The following MBD5 variants were observed in gnomAD, a reference collection of about 807,000 sequenced individuals.
MBD5 encodes methyl-CpG binding domain protein 5.
Under a neutral mutation model 117.3 loss-of-function variants are expected in MBD5, and 13 were observed. The observed-to-expected ratio is 0.11, with a 90% CI of 0.07 to 0.18. The LOEUF (loss-of-function observed/expected upper bound fraction) is 0.18, where lower values mean the gene tolerates loss of function less well. MBD5 is among the 10% of genes least tolerant of loss of function. The pLI, the probability that MBD5 is intolerant of heterozygous loss-of-function variation, is 1.00. For missense variants in MBD5, 1,879 were observed against 2,093.8 expected (o/e 0.90, Z 2.00); for synonymous variants, 727 against 766.4 (o/e 0.95, Z 0.85).
intron 4 of MBD5, among the ~76,000 whole-genome samples, chr2:148,364,362 G>A (rs6745934): frequency 0.52 from 78,284 of 151,948 alleles, 20,390 homozygotes; most frequent in East Asian, 0.75. Flanking sequence ...TATGGAAAAG[G>A]AAAACTGGTA....
At chr2:148,132,639 G>A (rs1697077995) in intron 1 of MBD5, among the ~76,000 whole-genome samples, 1 of 152,108 alleles carries the variant, frequency 6.6e-6, no homozygotes, top group Non-Finnish European at 1.5e-5. Flanking sequence ...GCATGAGACA[G>A]TTCCCAAACA....
intron 1 of MBD5, among the ~76,000 whole-genome samples, chr2:148,089,646 G>A (rs1695885221): frequency 6.6e-6 from 1 of 152,032 alleles, no homozygotes; most frequent in Non-Finnish European, 1.5e-5. Context: ...TGAACTGAAT[G>A]ATAATAGTGA....
At chr2:148,272,021 TAAA>T (rs1700998513) in intron 3 of MBD5, among the ~76,000 whole-genome samples, 1 of 152,208 alleles carries the variant, frequency 6.6e-6, no homozygotes, top group South Asian at 2.1e-4. Flanking sequence ...ATTCCACATG[TAAA>T]TAAGATCATG....
intron 4 of MBD5, among the ~76,000 whole-genome samples, chr2:148,438,630 G>A (rs1213981479): frequency 2.6e-5 from 4 of 152,208 alleles, no homozygotes; most frequent in East Asian, 1.9e-4. Context: ...ATATATGAGA[G>A]GAGATTTATT....
chr2:148,377,638 C>A (rs1396134126), intron 4 of MBD5, among the ~76,000 whole-genome samples: 4 of 152,172 alleles, frequency 2.6e-5, no homozygotes, highest in Non-Finnish European at 4.4e-5. Flanking sequence ...AAATTATTTT[C>A]ATCAAAACGT....
intron 4 of MBD5, among the ~76,000 whole-genome samples, chr2:148,374,752 A>G (rs185858002): frequency 2.5e-3 from 387 of 152,308 alleles, no homozygotes; most frequent in Non-Finnish European, 3.9e-3. Flanking sequence ...TACAATAGAT[A>G]CAGAATAATC....
intron 8 of MBD5, chr2:148,471,818 A>T (rs530063674): frequency 2.0e-5 from 3 of 152,222 alleles, no homozygotes; most frequent in Non-Finnish European, 2.9e-5. Flanking sequence ...CTAACAGTAT[A>T]CTTATCCCAT....
At chr2:148,187,911 AACTG>A (rs1698708616) in intron 2 of MBD5, among the ~76,000 whole-genome samples, 1 of 152,252 alleles carries the variant, frequency 6.6e-6, no homozygotes. Flanking sequence ...TTAAAAAGAT[AACTG>A]ACTGCTTAAG....
chr2:148,084,449 T>A (rs533564145), intron 1 of MBD5, among the ~76,000 whole-genome samples: 1 of 152,330 alleles, frequency 6.6e-6, no homozygotes, highest in South Asian at 2.1e-4. Flanking sequence ...GTTTTAAAAA[T>A]ACTTCAGTAC....
intron 4 of MBD5, among the ~76,000 whole-genome samples, chr2:148,390,391 G>A (rs896546709): frequency 1.3e-5 from 2 of 151,270 alleles, no homozygotes; most frequent in African/African-American, 4.9e-5. Flanking sequence ...TTAGGGGTTA[G>A]GGCATCAACA....
intron 1 of MBD5, among the ~76,000 whole-genome samples, chr2:148,045,374 TTAAAATA>T (rs1423929822): frequency 1.3e-5 from 2 of 152,170 alleles, no homozygotes; most frequent in Non-Finnish European, 2.9e-5. Flanking sequence ...GAACATTACT[TTAAAATA>T]TAACTTCTAA....
intron 3 of MBD5, among the ~76,000 whole-genome samples, chr2:148,258,953 G>A (rs904039547): frequency 2.0e-5 from 3 of 152,164 alleles, no homozygotes; most frequent in Non-Finnish European, 2.9e-5. Flanking sequence ...TACATACAGG[G>A]TGGGGACAGC....
At chr2:148,048,067 G>A (rs969014252) in intron 1 of MBD5, among the ~76,000 whole-genome samples, 24 of 152,116 alleles carry the variant, frequency 1.6e-4, no homozygotes, top group African/African-American at 5.8e-4. Flanking sequence ...TGAAGTCTAA[G>A]GTGGATAGGG....
chr2:148,203,918 T>C (rs550386675), intron 2 of MBD5, among the ~76,000 whole-genome samples: 1 of 152,348 alleles, frequency 6.6e-6, no homozygotes, highest in Admixed American at 6.5e-5. Context: ...TCTCCAAGAC[T>C]GCTTCTGTTC....
At chr2:148,399,660 G>C (rs368350744) in intron 4 of MBD5, among the ~76,000 whole-genome samples, 2 of 151,960 alleles carry the variant, frequency 1.3e-5, no homozygotes, top group African/African-American at 2.4e-5. Context: ...TCTCCTGCCT[G>C]ATTGCCCTGG....
At chr2:148,117,039 G>A (rs1198500195) in intron 1 of MBD5, among the ~76,000 whole-genome samples, 1 of 152,098 alleles carries the variant, frequency 6.6e-6, no homozygotes, top group Admixed American at 6.5e-5. Flanking sequence ...TATAGATAAT[G>A]TACAGTAATT....
chr2:148,285,115 A>G (rs1402042503), intron 3 of MBD5, among the ~76,000 whole-genome samples: 1 of 152,220 alleles, frequency 6.6e-6, no homozygotes, highest in Non-Finnish European at 1.5e-5. Flanking sequence ...AAAGAAAAAT[A>G]AATACTAAAC....
chr2:148,177,193 G>C (rs1037655879), intron 1 of MBD5, among the ~76,000 whole-genome samples: 1 of 152,156 alleles, frequency 6.6e-6, no homozygotes, highest in Non-Finnish European at 1.5e-5. Context: ...GAAAACTCAA[G>C]AAGTATTTAC....
intron 1 of MBD5, among the ~76,000 whole-genome samples, chr2:148,097,074 G>T (rs1377059371): frequency 1.3e-5 from 2 of 151,838 alleles, no homozygotes; most frequent in Non-Finnish European, 2.9e-5. Context: ...TCTATAAAAA[G>T]GAATATTATA....
Sources: allele counts gnomAD v4.1 joint callset (sites outside exome capture counted in the v4.1 genomes callset), GRCh38; gene constraint gnomAD v4.1.1; transcripts MANE v1.5; gene names NCBI Gene and HGNC (gene_info 2026-07-23, HGNC 2026-07-21).